The following MSI2 variants were observed in gnomAD, a reference collection of about 807,000 sequenced individuals.
MSI2 encodes the protein RNA-binding protein Musashi homolog 2.
Under a neutral mutation model 45.6 loss-of-function variants are expected in MSI2, and 17 were observed. The observed-to-expected ratio is 0.37, with a 90% CI of 0.26 to 0.56. MSI2 has a LOEUF of 0.56. Ranked by LOEUF, MSI2 falls within the 20% of genes least tolerant of loss-of-function variation. The pLI is 0.77. For missense variants in MSI2, 293 were observed against 444.2 expected (o/e 0.66, Z 3.06); for synonymous variants, 156 against 158.2 (o/e 0.99, Z 0.11).
chr17:57,678,565 G>C (rs973995642), intron 13 of MSI2, among the ~76,000 whole-genome samples: 3 of 152,192 alleles, frequency 2.0e-5, no homozygotes, highest in Non-Finnish European at 2.9e-5. Flanking sequence ...AGACACTGGG[G>C]CTGCCTGTGC....
At chr17:57,644,214 G>GTT (rs571385748) in intron 10 of MSI2, among the ~76,000 whole-genome samples, 2,006 of 87,372 alleles carry the variant, frequency 0.023, 45 homozygotes, top group African/African-American at 0.059. Context: ...AGGGTAAGTT[G>GTT]TTTTTTTTTT....
At position 57,602,391 on chromosome 17, in the gene MSI2, C is replaced by CA. The variant is rs199785340; in HGVS notation, c.537+5442dup. On this transcript the variant is annotated intron_variant, in intron 8 of 13. Coordinates refer to ENST00000284073, the MANE Select transcript of MSI2 (RefSeq NM_138962.4). ...TTTTGGAGACAGGGTCTCATTCTGT[C>CA]ACCCAGGCTGGAGTGCAGTGGCACG... 7.6e-3 allele frequency among the ~76,000 whole-genome samples: 1,154 copies of CA among 152,226 alleles called. 15 individuals carry two copies. The highest frequency in any genetic ancestry group is 0.026 in the African/African-American group (1,079 of 41,528).
intron 7 of MSI2, among the ~76,000 whole-genome samples, chr17:57,587,871 C>T (rs758971379): frequency 5.9e-5 from 9 of 152,126 alleles, no homozygotes; most frequent in Admixed American, 1.3e-4. Context: ...TTAATTGACA[C>T]GGCTTTAATA....
chr17:57,644,881 A>T (rs779217529), intron 10 of MSI2, among the ~76,000 whole-genome samples: 25 of 152,146 alleles, frequency 1.6e-4, no homozygotes, highest in Non-Finnish European at 2.8e-4. Flanking sequence ...CCTTTGAGAG[A>T]GGCACAGAGG....
intron 11 of MSI2, among the ~76,000 whole-genome samples, chr17:57,668,025 C>A (rs963182685): frequency 6.6e-6 from 1 of 152,136 alleles, no homozygotes; most frequent in Non-Finnish European, 1.5e-5. Flanking sequence ...ATGGTGAAAC[C>A]CTGTCTCTAC....
rs555103836 is a variant in MSI2 at position 57,446,813 on chromosome 17, G to T, written c.405+45342G>T. On this transcript the variant is annotated intron_variant, in intron 6 of 13. Transcript: ENST00000284073. ...ACTTTGCAGCAGAAGGAACCCACAC[G>T]GACAAAAGGCACAGTGTGTTAGACG... Among the ~76,000 whole-genome samples, 4 of 152,278 alleles carry T rather than the reference G, an allele frequency of 2.6e-5. No individual in the cohort carries two copies. The South Asian group carries it at 8.3e-4, about 32-fold the overall frequency.
intron 11 of MSI2, among the ~76,000 whole-genome samples, chr17:57,658,517 T>C (rs1911764696): frequency 6.6e-6 from 1 of 152,230 alleles, no homozygotes; most frequent in South Asian, 2.1e-4. Context: ...GCTGCTGACC[T>C]CAGCTTCATT....
At chr17:57,352,899 T>A (rs1916134178) in intron 5 of MSI2, among the ~76,000 whole-genome samples, 1 of 152,098 alleles carries the variant, frequency 6.6e-6, no homozygotes, top group African/African-American at 2.4e-5. Flanking sequence ...CACAGGGCGG[T>A]GTTAAGGATC....
intron 11 of MSI2, among the ~76,000 whole-genome samples, chr17:57,666,761 A>G (rs58296966): frequency 0.012 from 1,809 of 152,280 alleles, 36 homozygotes; most frequent in African/African-American, 0.041. Context: ...GGTAGCTTTC[A>G]GGTTGGGAAT....
intron 6 of MSI2, among the ~76,000 whole-genome samples, chr17:57,435,878 C>G (rs970655168): frequency 5.9e-5 from 9 of 152,156 alleles, no homozygotes; most frequent in African/African-American, 2.2e-4. Context: ...CATCCAGGAA[C>G]TGCCACACTC....
chr17:57,663,313 A>T (rs1395022617), intron 11 of MSI2, among the ~76,000 whole-genome samples: 2 of 152,202 alleles, frequency 1.3e-5, no homozygotes, highest in African/African-American at 2.4e-5. Context: ...AATTAGAGAA[A>T]GCTAAAAATA....
At chr17:57,339,681 G>T (rs1914972420) in intron 5 of MSI2, among the ~76,000 whole-genome samples, 1 of 152,136 alleles carries the variant, frequency 6.6e-6, no homozygotes, top group South Asian at 2.1e-4. Context: ...AAGGAAAGAT[G>T]CTCATGCACG....
intron 5 of MSI2, among the ~76,000 whole-genome samples, chr17:57,281,875 C>G (rs1909453389): frequency 6.6e-6 from 1 of 152,156 alleles, no homozygotes; most frequent in South Asian, 2.1e-4. Flanking sequence ...CAAAAGCAGA[C>G]AAAAGGATGT....
At chr17:57,300,999 T>C (rs902153186) in intron 5 of MSI2, among the ~76,000 whole-genome samples, 2 of 152,158 alleles carry the variant, frequency 1.3e-5, no homozygotes, top group Non-Finnish European at 2.9e-5. Flanking sequence ...TCTCACTTGT[T>C]AGGTCCTAGA....
chr17:57,637,750 T>C (rs1909949439), intron 10 of MSI2, among the ~76,000 whole-genome samples: 1 of 152,182 alleles, frequency 6.6e-6, no homozygotes. Context: ...TAGAAAAGGT[T>C]AGTGTCATGA....
chr17:57,395,939 G>A (rs1200431710), intron 5 of MSI2, among the ~76,000 whole-genome samples: 1 of 152,212 alleles, frequency 6.6e-6, no homozygotes, highest in East Asian at 1.9e-4. Flanking sequence ...GCACAATGGG[G>A]AGGATGAACT....
chr17:57,696,991 G>A, the MSI2 span, among the ~76,000 whole-genome samples: 1 of 152,154 alleles, frequency 6.6e-6, no homozygotes, highest in Non-Finnish European at 1.5e-5. Flanking sequence ...TATTCCATGG[G>A]ACCAGAGCTA....
At chr17:57,691,401 A>T in the MSI2 span, among the ~76,000 whole-genome samples, 1 of 152,198 alleles carries the variant, frequency 6.6e-6, no homozygotes, top group East Asian at 1.9e-4. Context: ...TTTTTACAAG[A>T]TAATGTGGCT....
At chr17:57,349,974 T>C (rs1054253951) in intron 5 of MSI2, among the ~76,000 whole-genome samples, 14 of 152,310 alleles carry the variant, frequency 9.2e-5, no homozygotes, top group African/African-American at 3.4e-4. Flanking sequence ...ACATCCTCCT[T>C]TGCTGCCCTT....
Sources: allele counts gnomAD v4.1 joint callset (sites outside exome capture counted in the v4.1 genomes callset), GRCh38; gene constraint gnomAD v4.1.1; transcripts MANE v1.5; gene names NCBI Gene and HGNC (gene_info 2026-07-23, HGNC 2026-07-21).